Variants in KAZN observed in about 807,000 individuals in gnomAD.
The protein encoded by KAZN is kazrin, periplakin interacting protein.
In KAZN, 40 loss-of-function variants were observed where a neutral mutation model predicts 87.4. The ratio of observed to expected loss-of-function variants is 0.46; its 90% CI spans 0.36 to 0.60. The LOEUF is 0.60. Ranked by LOEUF, KAZN falls within the 20% of genes least tolerant of loss-of-function variation. The pLI is 0.00. For synonymous variants in KAZN, 466 were observed against 458.3 expected (o/e 1.02, Z -0.22); for missense variants, 898 against 1,073.9 (o/e 0.84, Z 2.29).
At chr1:13,918,164 C>G (rs1215072639) in intron 1 of KAZN, among the ~76,000 whole-genome samples, 2 of 152,180 alleles carry the variant, frequency 1.3e-5, no homozygotes, top group Non-Finnish European at 2.9e-5. Context: ...AGTGATTCCT[C>G]TGATGGATCT....
chr1:15,063,595 G>A lies in KAZN; in HGVS notation c.1071G>A (p.Gln357=). 1 of 1,614,134 alleles carries A rather than the reference G, an allele frequency of 6.2e-7. No individual in the cohort carries two copies. Among genetic ancestry groups the A allele is most frequent in the Non-Finnish European group, 8.5e-7 (1 of 1,179,992 alleles). ...AGGGCGACAGTCCCGGCCCAGTTCA[G>A]AAGAACCTGCACAACCCTATTGTAC... ...LCNGDSPGPV[Q]KNLHNPIVQS... The change falls in exon 7 of 15, where the codon CAG becomes CAA. Residue 357 remains glutamine (Q), a synonymous_variant. Transcript: ENST00000376030.
chr1:14,390,763 G>A lies in KAZN; in HGVS notation c.250-208220G>A, dbSNP rs977852796. On this transcript the variant is annotated intron_variant, in intron 2 of 16. Transcript: ENST00000636203. ...CTTCTTGCTGCATCCTCCCAGGAAG[G>A]AAGGTAGAAGGGCAAAGAGGCAAAA... is the stretch of plus-strand genomic sequence containing the variant. The A allele has an allele frequency of 2.0e-5, 3 of 152,008 alleles. No homozygotes were observed. The East Asian group carries it at 6.1e-4, about 31-fold the overall frequency. The allele number at this position is 152,008 out of a possible 1,614,324, so 9.4% of individuals were successfully genotyped here.
chr1:14,480,356 T>C (rs1669002423), intron 2 of KAZN, among the ~76,000 whole-genome samples: 1 of 152,310 alleles, frequency 6.6e-6, no homozygotes, highest in South Asian at 2.1e-4. Context: ...TGCTCAGAGA[T>C]ACTTTCTCTG....
intron 1 of KAZN, among the ~76,000 whole-genome samples, chr1:13,915,280 C>CTTT (rs1639805142): frequency 1.3e-5 from 2 of 152,124 alleles, no homozygotes; most frequent in South Asian, 4.1e-4. Context: ...TGCCTGGGGA[C>CTTT]CACGGGACTT....
intron 2 of KAZN, among the ~76,000 whole-genome samples, chr1:14,469,610 C>T (rs1471411746): frequency 1.3e-5 from 2 of 152,106 alleles, no homozygotes; most frequent in Non-Finnish European, 2.9e-5. Flanking sequence ...GCAGCATTAA[C>T]AAGTTAAAAA....
chr1:13,895,363 A>G (rs1035230412), intron 1 of KAZN, among the ~76,000 whole-genome samples: 4 of 152,152 alleles, frequency 2.6e-5, no homozygotes, highest in African/African-American at 9.7e-5. Context: ...GTGGGAAGGC[A>G]CGTCGGATTT....
chr1:14,995,744 A>G (rs1557697543), intron 2 of KAZN, among the ~76,000 whole-genome samples: 2 of 152,070 alleles, frequency 1.3e-5, no homozygotes, highest in Admixed American at 6.6e-5. Context: ...CTCTTCCAAA[A>G]TGCCCCTTTC....
intron 2 of KAZN, among the ~76,000 whole-genome samples, chr1:14,370,968 A>T (rs568171055): frequency 6.6e-6 from 1 of 152,302 alleles, no homozygotes; most frequent in South Asian, 2.1e-4. Context: ...TAGGGGTGTG[A>T]ACCACCTAGC....
At chr1:14,776,562 G>C (rs552058046) in intron 1 of KAZN, among the ~76,000 whole-genome samples, 1 of 152,226 alleles carries the variant, frequency 6.6e-6, no homozygotes, top group African/African-American at 2.4e-5. Flanking sequence ...TCTAACCGCA[G>C]CCATTTATTG....
chr1:13,941,571 C>G (rs1478863765), intron 1 of KAZN, among the ~76,000 whole-genome samples: 2 of 152,120 alleles, frequency 1.3e-5, no homozygotes, highest in African/African-American at 4.8e-5. Flanking sequence ...GGATTCTGTC[C>G]CAGGAGGCAT....
At chr1:14,955,504 A>C (rs979209870) in intron 1 of KAZN, among the ~76,000 whole-genome samples, 1 of 152,210 alleles carries the variant, frequency 6.6e-6, no homozygotes, top group Non-Finnish European at 1.5e-5. Context: ...GGGCAGATGC[A>C]GTTAGCAAGC....
rs150671421 is a variant in KAZN at position 14,769,447 on chromosome 1, C to T, written c.226+170224C>T. Among the ~76,000 whole-genome samples, 3,121 of 152,220 alleles carry T rather than the reference C, an allele frequency of 0.021. 84 individuals carry two copies. The highest frequency in any genetic ancestry group is 0.059 in the African/African-American group (2,436 of 41,522). On this transcript the variant is annotated intron_variant, in intron 1 of 14. Transcript: ENST00000376030. This position sits in a 1 kb window ranked among gnomAD's most constrained non-coding sequence, Gnocchi z 4.1. ...TTGGCTCACTGCAACCTCTGCCTCC[C>T]GGGTTCAAGCGATTCTCGTGCCTCA...
intron 1 of KAZN, among the ~76,000 whole-genome samples, chr1:14,667,307 C>G (rs1325467577): frequency 6.6e-6 from 1 of 152,168 alleles, no homozygotes; most frequent in Non-Finnish European, 1.5e-5. Flanking sequence ...TTTCAGCTCT[C>G]CTTGAAGGCG....
chr1:14,143,514 G>T (rs2101774452), intron 1 of KAZN, among the ~76,000 whole-genome samples: 1 of 152,172 alleles, frequency 6.6e-6, no homozygotes, highest in East Asian at 1.9e-4. Flanking sequence ...TCATACACAG[G>T]CACACACTTC....
intron 8 of KAZN, chr1:15,067,365 T>TG: frequency 2.0e-6 from 2 of 985,430 alleles, no homozygotes; most frequent in South Asian, 4.7e-5. Flanking sequence ...TCTGCCTATA[T>TG]GGGGGGTGGC....
At chr1:14,282,315 A>G (rs1652902420) in intron 2 of KAZN, among the ~76,000 whole-genome samples, 1 of 152,196 alleles carries the variant, frequency 6.6e-6, no homozygotes, top group African/African-American at 2.4e-5. Context: ...CACTGTCATT[A>G]CAACTCCAAC....
At chr1:14,971,371 C>G (rs1665009583) in intron 2 of KAZN, among the ~76,000 whole-genome samples, 2 of 152,174 alleles carry the variant, frequency 1.3e-5, no homozygotes, top group South Asian at 4.1e-4. Flanking sequence ...GCACGCCAGC[C>G]TGGGCGACAG....
intron 1 of KAZN, among the ~76,000 whole-genome samples, chr1:14,691,483 C>A (rs59304088): frequency 0.011 from 1,675 of 152,100 alleles, 18 homozygotes; most frequent in Middle Eastern, 0.044. Context: ...TTGTCTTCAT[C>A]TTTTTTTGTT....
intron 2 of KAZN, among the ~76,000 whole-genome samples, chr1:14,528,989 AT>A: frequency 6.6e-6 from 1 of 152,044 alleles, no homozygotes; most frequent in East Asian, 1.9e-4. Flanking sequence ...TATTCTAACA[AT>A]TACTGCAGTT....
Sources: allele counts gnomAD v4.1 joint callset (sites outside exome capture counted in the v4.1 genomes callset), GRCh38; gene constraint gnomAD v4.1.1; non-coding constraint Gnocchi (gnomAD v3.1); transcripts MANE v1.5; gene names NCBI Gene and HGNC (gene_info 2026-07-23, HGNC 2026-07-21).